Variants in IFT52 observed in about 807,000 individuals in gnomAD.
IFT52 encodes intraflagellar transport 52.
In IFT52, 44 loss-of-function variants were observed where a neutral mutation model predicts 54.4. The observed-to-expected ratio is 0.81, with a 90% CI of 0.63 to 1.04. The LOEUF is 1.04. Among genes scored for constraint, IFT52 ranks in the 50% least tolerant of loss-of-function variants. IFT52 has a pLI of 0.00. For synonymous variants in IFT52, 181 were observed against 185.3 expected (o/e 0.98, Z 0.19); for missense variants, 452 against 523.6 (o/e 0.86, Z 1.33).
At position 43,622,768 on chromosome 20, in the gene IFT52, T is replaced by TTTTA. The variant is rs1568768343; in HGVS notation, c.769-1122_769-1121insTTAT. On this transcript the variant is annotated intron_variant, in intron 9 of 13. Transcript: ENST00000373030. ...TTATGTAAATATAAATATATACAAA[T>TTTTA]TGTGTGTAAATATAAATATATACAT... is the stretch of plus-strand genomic sequence containing the variant. Among the ~76,000 whole-genome samples, 579 of 106,960 alleles carry TTTTA rather than the reference T, an allele frequency of 5.4e-3. 14 individuals carry two copies. Among genetic ancestry groups the TTTTA allele is most frequent in the African/African-American group, 0.025 (533 of 21,304 alleles). The allele number at this position is 106,960 out of a possible 152,430, so 70.2% of individuals were successfully genotyped here. A position where few individuals can be genotyped will look rare whatever the true frequency, so the allele number is the denominator to read the frequency against.
rs143344534 is a variant in IFT52 at position 43,605,472 on chromosome 20, C to T, written c.485+399C>T. On this transcript the variant is annotated intron_variant, in intron 6 of 13. Coordinates refer to ENST00000373030, the MANE Select transcript of IFT52 (RefSeq NM_016004.5). The stretch of plus-strand genomic sequence containing the variant: ...TGAGACAGGAGAACTGTTTGAACCC[C>T]GGAGGCGGAAGTTGCAGTGAGCCAA... Among the ~76,000 whole-genome samples, 1,341 of 152,236 alleles carry T rather than the reference C, an allele frequency of 8.8e-3. 18 individuals are homozygous for T. The highest frequency in any genetic ancestry group is 0.03 in the African/African-American group (1,245 of 41,538).
chr20:43,617,678 A>C (rs934147646), intron 7 of IFT52, among the ~76,000 whole-genome samples: 1 of 152,192 alleles, frequency 6.6e-6, no homozygotes, highest in African/African-American at 2.4e-5. Context: ...TCCTGGCCTC[A>C]AGTGATCCAC....
Position 43,597,890 on chromosome 20 carries a change from CAAAAAAAAAAA to C in IFT52, c.207+1379_207+1389del, listed in dbSNP as rs36068236. 1.5e-3 allele frequency among the ~76,000 whole-genome samples: 154 copies of C among 102,010 alleles called. 1 individual carries two copies. The highest frequency in any genetic ancestry group is 5.6e-3 in the African/African-American group (145 of 25,792). The allele number at this position is 102,010 out of a possible 152,430, so 66.9% of individuals were successfully genotyped here. A position where few individuals can be genotyped will look rare whatever the true frequency, so the allele number is the denominator to read the frequency against. ...CGTTGGCAACAGAGTGAGACTCTTT[CAAAAAAAAAAA>C]AAAAAAAAAACTGCCATATGATCTA... On this transcript the variant is annotated intron_variant, in intron 3 of 13. Coordinates refer to ENST00000373030, the MANE Select transcript of IFT52 (RefSeq NM_016004.5).
At chr20:43,639,171 C>T (rs1985741014) in intron 12 of IFT52, among the ~76,000 whole-genome samples, 1 of 148,750 alleles carries the variant, frequency 6.7e-6, no homozygotes, top group Non-Finnish European at 1.5e-5. Flanking sequence ...ATGGTCCATC[C>T]ATCATTAGGG....
chr20:43,614,042 A>G, intron 7 of IFT52, 66 bp downstream of exon 7: 1 of 1,442,164 alleles, frequency 6.9e-7, no homozygotes, highest in Non-Finnish European at 9.6e-7. Context: ...AAACCACCTT[A>G]CCATTTCCAG....
chr20:43,602,754 C>T (rs1164083807), intron 3 of IFT52, among the ~76,000 whole-genome samples: 1 of 152,104 alleles, frequency 6.6e-6, no homozygotes, highest in Non-Finnish European at 1.5e-5. Flanking sequence ...AAGTGATCCG[C>T]CTACCTTGGC....
intron 1 of IFT52, among the ~76,000 whole-genome samples, chr20:43,591,713 C>T (rs73272197): frequency 0.033 from 5,078 of 152,110 alleles, 282 homozygotes; most frequent in African/African-American, 0.11. Context: ...CCAGAACCAC[C>T]AGATATTATA....
intron 2 of IFT52, among the ~76,000 whole-genome samples, chr20:43,595,079 G>T (rs1463749813): frequency 6.6e-6 from 1 of 151,896 alleles, no homozygotes; most frequent in Admixed American, 6.6e-5. Flanking sequence ...ACTTTGGGAG[G>T]CCAAGGCGGG....
At chr20:43,608,364 A>C (rs1384508241) in intron 6 of IFT52, among the ~76,000 whole-genome samples, 1 of 152,204 alleles carries the variant, frequency 6.6e-6, no homozygotes, top group African/African-American at 2.4e-5. Context: ...GGAGTATTCT[A>C]GTAAACATCG....
chr20:43,622,085 A>C (rs1257603090), intron 9 of IFT52, among the ~76,000 whole-genome samples: 1 of 152,150 alleles, frequency 6.6e-6, no homozygotes, highest in African/African-American at 2.4e-5. Context: ...TTAAACTCTG[A>C]AATGTCAGGA....
At chr20:43,593,733 C>A (rs537833214) in intron 1 of IFT52, among the ~76,000 whole-genome samples, 14 of 152,158 alleles carry the variant, frequency 9.2e-5, no homozygotes, top group African/African-American at 3.4e-4. Context: ...CCATGCCCTG[C>A]TAATTTTTTT....
intron 10 of IFT52, among the ~76,000 whole-genome samples, chr20:43,624,294 C>G (rs1365214050): frequency 1.3e-5 from 2 of 152,180 alleles, no homozygotes; most frequent in Non-Finnish European, 2.9e-5. Context: ...CAGCTTGTTT[C>G]ATTTTGCCCC....
intron 10 of IFT52, among the ~76,000 whole-genome samples, chr20:43,633,505 C>T (rs538809021): frequency 3.6e-4 from 55 of 152,036 alleles, no homozygotes; most frequent in African/African-American, 1.3e-3. Flanking sequence ...GTCAGGAGTT[C>T]GAGACCAGCC....
chr20:43,595,316 CAAAAAAAAAAAAAA>C (rs34012263), intron 2 of IFT52, among the ~76,000 whole-genome samples: 1 of 62,918 alleles, frequency 1.6e-5, no homozygotes, highest in Non-Finnish European at 2.9e-5. Flanking sequence ...GACTCCGTCT[CAAAAAAAAAAAAAA>C]AAAAAAAAGA....
chr20:43,626,903 G>A (rs1399184796), intron 10 of IFT52, among the ~76,000 whole-genome samples: 1 of 152,078 alleles, frequency 6.6e-6, no homozygotes, highest in Non-Finnish European at 1.5e-5. Context: ...GTGACTCAAC[G>A]CCTGTAATCC....
chr20:43,594,150 A>G (rs745711989), intron 1 of IFT52, among the ~76,000 whole-genome samples: 45 of 152,110 alleles, frequency 3.0e-4, no homozygotes, highest in Admixed American at 5.9e-4. Flanking sequence ...TCTACTGAAA[A>G]TACAAAAATT....
Position 43,613,994 on chromosome 20 carries a change from T to C in IFT52, c.612+18T>C, listed in dbSNP as rs201565470. On this transcript the variant is annotated intron_variant, in intron 7 of 13. Coordinates refer to ENST00000373030, the MANE Select transcript of IFT52 (RefSeq NM_016004.5). ...ACTCAAAGGTACAGCTTTTCTTAGA[T>C]ATGGGTATAGATGTTATTTTTATTG... 3.7e-6 allele frequency: 6 copies of C among 1,605,728 alleles called. No homozygotes were observed. In the Admixed American group the frequency reaches 8.4e-5, roughly 23 times the overall value.
At chr20:43,641,878 C>T (rs780416683) in intron 12 of IFT52, among the ~76,000 whole-genome samples, 2 of 151,776 alleles carry the variant, frequency 1.3e-5, no homozygotes, top group Non-Finnish European at 2.9e-5. Context: ...ACTGCAACCT[C>T]CATCTCCCCA....
intron 10 of IFT52, 37 bp downstream of exon 10, chr20:43,624,082 C>T: frequency 6.3e-7 from 1 of 1,599,998 alleles, no homozygotes; most frequent in South Asian, 1.1e-5. Flanking sequence ...CACTGCACTC[C>T]ATTCTGAGTG....
Sources: allele counts gnomAD v4.1 joint callset (sites outside exome capture counted in the v4.1 genomes callset), GRCh38; gene constraint gnomAD v4.1.1; transcripts MANE v1.5; gene names NCBI Gene and HGNC (gene_info 2026-07-23, HGNC 2026-07-21).